MDGA2: variants seen among roughly 807,000 people sequenced by gnomAD.
The protein encoded by MDGA2 is MAM domain containing glycosylphosphatidylinositol anchor 2, also known as MAM domain-containing glycosylphosphatidylinositol anchor protein 2.
Under a neutral mutation model 117.8 loss-of-function variants are expected in MDGA2, and 40 were observed. The ratio of observed to expected loss-of-function variants is 0.34; its 90% CI spans 0.26 to 0.44. MDGA2 has a LOEUF of 0.44. Among genes scored for constraint, MDGA2 ranks in the 20% least tolerant of loss-of-function variants. The pLI is 1.00. For synonymous variants in MDGA2, 452 were observed against 439.0 expected, an observed-to-expected ratio of 1.03 and a Z score of -0.37; for missense variants, 1,123 against 1,250.6, an observed-to-expected ratio of 0.90 and a Z score of 1.54.
chr14:46,968,954 A>T (rs1186292968), intron 8 of MDGA2, among the ~76,000 whole-genome samples: 2 of 151,178 alleles, frequency 1.3e-5, no homozygotes, highest in Non-Finnish European at 2.9e-5. Context: ...ACTAGCTGAG[A>T]AAAAATCAAG....
At chr14:47,668,707 C>A (rs1382366715) in intron 1 of MDGA2, among the ~76,000 whole-genome samples, 1 of 152,174 alleles carries the variant, frequency 6.6e-6, no homozygotes, top group Non-Finnish European at 1.5e-5. Context: ...AATGTTCACT[C>A]TTTTCATACT....
intron 7 of MDGA2, among the ~76,000 whole-genome samples, chr14:47,056,554 T>C (rs994592575): frequency 2.0e-5 from 3 of 152,174 alleles, no homozygotes; most frequent in Admixed American, 2.0e-4. Flanking sequence ...GTCCACCAGA[T>C]GTCTCATCAT....
At chr14:46,937,435 T>C (rs1884824983) in intron 9 of MDGA2, among the ~76,000 whole-genome samples, 1 of 151,898 alleles carries the variant, frequency 6.6e-6, no homozygotes, top group South Asian at 2.1e-4. Flanking sequence ...AAAGTACCAA[T>C]GACATTCTTC....
intron 3 of MDGA2, among the ~76,000 whole-genome samples, chr14:47,159,871 T>C (rs1432126554): frequency 2.6e-5 from 4 of 152,214 alleles, no homozygotes; most frequent in African/African-American, 9.6e-5. Context: ...ATTTTTCTAT[T>C]AATTTTGTTC....
At chr14:47,212,047 G>A (rs551992107) in intron 3 of MDGA2, among the ~76,000 whole-genome samples, 43 of 152,086 alleles carry the variant, frequency 2.8e-4, no homozygotes, top group African/African-American at 6.7e-4. Flanking sequence ...AATGAATGAC[G>A]TAAAAGTCAA....
chr14:47,646,002 C>T (rs1210413060), intron 1 of MDGA2, among the ~76,000 whole-genome samples: 1 of 149,338 alleles, frequency 6.7e-6, no homozygotes, highest in Non-Finnish European at 1.5e-5. Flanking sequence ...ATGGCATGAA[C>T]TCGGGAGGCG....
chr14:47,006,968 T>C (rs113991294), intron 8 of MDGA2, among the ~76,000 whole-genome samples: 37 of 151,888 alleles, frequency 2.4e-4, no homozygotes, highest in African/African-American at 7.7e-4. Context: ...ATTTAAGCAA[T>C]GTTCTTTCTC....
chr14:47,291,173 CT>C (rs1888874218), intron 2 of MDGA2, among the ~76,000 whole-genome samples: 1 of 152,188 alleles, frequency 6.6e-6, no homozygotes, highest in African/African-American at 2.4e-5. Flanking sequence ...TGAACACTTT[CT>C]TGCTCTTAGC....
intron 14 of MDGA2, among the ~76,000 whole-genome samples, chr14:46,860,816 A>C (rs78851906): frequency 0.037 from 5,556 of 151,948 alleles, 364 homozygotes; most frequent in African/African-American, 0.13. Context: ...TCTTTCGTAA[A>C]GTTCATATTC....
intron 1 of MDGA2, among the ~76,000 whole-genome samples, chr14:47,358,280 C>G (rs1891039181): frequency 6.6e-6 from 1 of 152,118 alleles, no homozygotes. Context: ...TAATAAAAGC[C>G]CTGTTTTCAT....
At chr14:47,385,393 T>C (rs1891734267) in intron 1 of MDGA2, among the ~76,000 whole-genome samples, 1 of 151,018 alleles carries the variant, frequency 6.6e-6, no homozygotes, top group South Asian at 2.1e-4. Context: ...ATAAATATAA[T>C]TTATTAAGAG....
chr14:47,616,841 A>G (rs1246143394), intron 1 of MDGA2, among the ~76,000 whole-genome samples: 1 of 152,198 alleles, frequency 6.6e-6, no homozygotes, highest in Non-Finnish European at 1.5e-5. Flanking sequence ...TGAGCTATAT[A>G]CTAGGTAGTC....
intron 1 of MDGA2, among the ~76,000 whole-genome samples, chr14:47,581,170 C>T (rs929614658): frequency 6.6e-6 from 1 of 151,942 alleles, no homozygotes; most frequent in Non-Finnish European, 1.5e-5. Context: ...CTCTCTCCAA[C>T]CTCTCCTTTA....
chr14:47,276,866 A>G (rs535402910), intron 2 of MDGA2, among the ~76,000 whole-genome samples: 1 of 152,158 alleles, frequency 6.6e-6, no homozygotes, highest in Non-Finnish European at 1.5e-5. Flanking sequence ...AAGCTCCTTG[A>G]TATTCCCTAC....
At chr14:47,249,353 G>C (rs745846184) in intron 2 of MDGA2, among the ~76,000 whole-genome samples, 1 of 151,614 alleles carries the variant, frequency 6.6e-6, no homozygotes. Context: ...ACAAAATCTT[G>C]CTCTGTCACC....
At chr14:47,059,029 A>T in intron 7 of MDGA2, 1 of 1,005,040 alleles carries the variant, frequency 9.9e-7, no homozygotes. Flanking sequence ...AGTCACTATA[A>T]ATTTGTCTAT....
At chr14:47,349,944 A>G (rs577864516) in intron 1 of MDGA2, among the ~76,000 whole-genome samples, 3 of 152,358 alleles carry the variant, frequency 2.0e-5, no homozygotes, top group Non-Finnish European at 2.9e-5. Flanking sequence ...GGCAAGAGCT[A>G]TCACATCAGA....
At chr14:47,171,207 G>C (rs1884116229) in intron 3 of MDGA2, among the ~76,000 whole-genome samples, 1 of 152,078 alleles carries the variant, frequency 6.6e-6, no homozygotes, top group Non-Finnish European at 1.5e-5. Context: ...TGAAGAGATT[G>C]TGGGAAAATA....
intron 6 of MDGA2, among the ~76,000 whole-genome samples, chr14:47,080,622 G>T (rs978261949): frequency 1.3e-5 from 2 of 152,132 alleles, no homozygotes; most frequent in Non-Finnish European, 2.9e-5. Flanking sequence ...GTCAGCAAAA[G>T]CTATGGCCTT....
Sources: allele counts gnomAD v4.1 joint callset (sites outside exome capture counted in the v4.1 genomes callset), GRCh38; gene constraint gnomAD v4.1.1; transcripts MANE v1.5; gene names NCBI Gene and HGNC (gene_info 2026-07-23, HGNC 2026-07-21).